ARNT: variants seen among roughly 807,000 people sequenced by gnomAD.
The protein encoded by ARNT is aryl hydrocarbon receptor nuclear translocator.
Under a neutral mutation model 105.0 loss-of-function variants are expected in ARNT, and 30 were observed. The ratio of observed to expected loss-of-function variants is 0.29; its 90% CI spans 0.21 to 0.39. The LOEUF (loss-of-function observed/expected upper bound fraction) is 0.39. Among genes scored for constraint, ARNT ranks in the 10% least tolerant of loss-of-function variants. ARNT has a pLI of 1.00. For synonymous variants in ARNT, 304 were observed against 344.0 expected (o/e 0.88, Z 1.29); for missense variants, 748 against 978.7 (o/e 0.76, Z 3.15).
At chr1:150,835,531 G>A (rs1454987260) in intron 7 of ARNT, among the ~76,000 whole-genome samples, 1 of 152,140 alleles carries the variant, frequency 6.6e-6, no homozygotes, top group Non-Finnish European at 1.5e-5. Context: ...GCCCAGAAGA[G>A]TTCAAGATTA....
At chr1:150,852,725 A>C in intron 3 of ARNT, 37 bp downstream of exon 3, 1 of 1,569,130 alleles carries the variant, frequency 6.4e-7, no homozygotes, top group Non-Finnish European at 8.7e-7. Context: ...CTAATTTTTA[A>C]TATCAGACAT....
At position 150,817,911 on chromosome 1, in the gene ARNT, C is replaced by G; in HGVS notation, c.1505+9G>C. ...CTGCTCAACAGATGATTATTTCACC[C>G]TTTTTTACCTGGGTGCCAGCTGTCC... On this transcript the variant is annotated intron_variant, in intron 15 of 21. Transcript: ENST00000358595. 6.2e-7 allele frequency: 1 copy of G among 1,600,266 alleles called. No individual in the cohort carries two copies. Among genetic ancestry groups the G allele is most frequent in the Non-Finnish European group, 8.5e-7 (1 of 1,170,092 alleles).
chr1:150,863,355 C>CA (rs769411546), intron 1 of ARNT, among the ~76,000 whole-genome samples: 11,952 of 108,404 alleles, frequency 0.11, 590 homozygotes, highest in Middle Eastern at 0.18. Context: ...GACTCTGTCT[C>CA]AAAAAAAAAA....
Position 150,829,220 on chromosome 1 carries a change from C to T in ARNT, c.1040G>A (p.Ser347Asn). Residue 347 changes from serine to asparagine, a missense_variant, in exon 12 of 22, where the codon AGT becomes AAT. Transcript: ENST00000358595. ...ACTCATGTCTGTACAGTTGGGAGAA[C>T]TAGTTACCTGAGAGTGAAGAGATAA... ...LVAIGRLQVT[S>N]SPNCTDMSNV... 6.2e-7 allele frequency: 1 copy of T among 1,613,454 alleles called. No homozygotes were observed. The highest frequency in any genetic ancestry group is 1.1e-5 in the South Asian group (1 of 90,964).
At chr1:150,820,519 T>A (rs1557860411) in intron 14 of ARNT, among the ~76,000 whole-genome samples, 1 of 152,042 alleles carries the variant, frequency 6.6e-6, no homozygotes, top group Non-Finnish European at 1.5e-5. Context: ...TAGCCAGGCG[T>A]CTTGGTAGAT....
At position 150,817,377 on chromosome 1, in the gene ARNT, C is replaced by T. The variant is rs1329952838; in HGVS notation, c.1562G>A (p.Ser521Asn). Residue 521 changes from serine to asparagine, a missense_variant, in exon 16 of 22, where the codon AGC (serine) becomes AAC (asparagine). By Grantham distance (46) the Ser-to-Asn change is conservative. This residue lies in a region of ARNT where 360 missense variants were observed against 411.9 expected (regional missense o/e 0.87). Coordinates refer to ENST00000358595, the MANE Select transcript of ARNT (RefSeq NM_001668.4). The part of the protein sequence containing the change: ...DMVPGRDGLA[S>N]YNHSQVVQPV... ...ACAACTCACCTGGGAATGATTGTAG[C>T]TGGCCAGTCCATCTCTTCCTGGTAC... is the stretch of plus-strand genomic sequence containing the variant. 2 of 1,614,188 alleles carry T rather than the reference C, an allele frequency of 1.2e-6. No individual in the cohort carries two copies. Among genetic ancestry groups the T allele is most frequent in the Admixed American group, 3.3e-5 (2 of 60,028 alleles).
chr1:150,823,405 T>G lies in ARNT; in HGVS notation c.1243-60A>C, dbSNP rs1022301557. ...AGAAAATTTTCATTACAAAAATAAA[T>G]AAAAATTTTCCAATTTCTATAACCC... On this transcript the variant is annotated intron_variant, in intron 13 of 21. Coordinates refer to ENST00000358595, the MANE Select transcript of ARNT (RefSeq NM_001668.4). The G allele has an allele frequency of 9.3e-6, 14 of 1,506,242 alleles. No individual in the cohort carries two copies. The South Asian group carries it at 1.7e-4, about 19-fold the overall frequency. The allele number at this position is 1,506,242 out of a possible 1,614,324, so 93.3% of individuals were successfully genotyped here. A position where few individuals can be genotyped will look rare whatever the true frequency, so the allele number is the denominator to read the frequency against.
intron 2 of ARNT, 125 bp downstream of exon 2, chr1:150,858,224 T>C (rs1376331363): frequency 8.9e-6 from 6 of 676,510 alleles, no homozygotes; most frequent in Non-Finnish European, 1.6e-5. Flanking sequence ...GACAGTAGTG[T>C]AGTAAGTAAT....
intron 1 of ARNT, among the ~76,000 whole-genome samples, chr1:150,863,205 T>C (rs1400483999): frequency 6.6e-6 from 1 of 151,216 alleles, no homozygotes; most frequent in African/African-American, 2.4e-5. Flanking sequence ...CTACTAAAAA[T>C]ACAAAAATTA....
At chr1:150,871,463 G>A (rs587678546) in intron 1 of ARNT, among the ~76,000 whole-genome samples, 2 of 150,898 alleles carry the variant, frequency 1.3e-5, no homozygotes, top group African/African-American at 4.8e-5. Flanking sequence ...ACCATGCCTG[G>A]CTAATTTTTG....
At chr1:150,854,688 C>A (rs1170040748) in intron 2 of ARNT, among the ~76,000 whole-genome samples, 2 of 151,840 alleles carry the variant, frequency 1.3e-5, no homozygotes, top group Non-Finnish European at 2.9e-5. Context: ...GAAACCTCGT[C>A]TCTACTAAAA....
At chr1:150,873,662 T>C (rs1667815632) in intron 1 of ARNT, among the ~76,000 whole-genome samples, 1 of 152,104 alleles carries the variant, frequency 6.6e-6, no homozygotes, top group South Asian at 2.1e-4. Flanking sequence ...CTCACACCTA[T>C]AATCCCAGCA....
chr1:150,826,553 C>G lies in ARNT; in HGVS notation c.1232G>C (p.Ser411Thr), dbSNP rs1658305353. 3 of 1,612,666 alleles carry G rather than the reference C, an allele frequency of 1.9e-6. No homozygotes were observed. The African/African-American group carries it at 4.0e-5, about 21-fold the overall frequency. The change falls in exon 13 of 22, where the codon AGC becomes ACC. Residue 411 changes from serine (S) to threonine (T), a missense_variant. Around this residue, in one of 4 missense-constraint regions of ARNT, gnomAD observed 291 missense variants for 444.6 expected, o/e 0.65. Transcript: ENST00000358595. Reference sequence around the variant, plus strand: ...CAGGAAAAAAGTTACCTGTTGGAAGCTGTCTCTTAGAAGCTGCTGGTCTTC... The same window carrying G: ...CAGGAAAAAAGTTACCTGTTGGAAGGTGTCTCTTAGAAGCTGCTGGTCTTC... The part of the protein sequence containing the change: ...HPEDQQLLRD[S>T]FQQVVKLKGQ...
At position 150,874,802 on chromosome 1, in the gene ARNT, A is replaced by AGTAAACTTTGCTGCTTT. The variant is rs1553231698; in HGVS notation, c.25+1740_25+1741insAAAGCAGCAAAGTTTAC. ...TTGCAGAAGCAAGCAGCCAAAGCAT[A>AGTAAACTTTGCTGCTTT]GTAAACAAAGCTGTTTCATTAACAA... is the stretch of plus-strand genomic sequence containing the variant. On this transcript the variant is annotated intron_variant, in intron 1 of 21. Coordinates refer to ENST00000358595, the MANE Select transcript of ARNT (RefSeq NM_001668.4). Among the ~76,000 whole-genome samples, 3 of 152,346 alleles carry AGTAAACTTTGCTGCTTT rather than the reference A, an allele frequency of 2.0e-5. No individual in the cohort carries two copies. In the Middle Eastern group the frequency reaches 0.01, roughly 518 times the overall value.
chr1:150,832,540 G>C (rs1659532487), intron 8 of ARNT, 141 bp from the exon 9 acceptor site: 1 of 756,498 alleles, frequency 1.3e-6, no homozygotes, highest in East Asian at 2.6e-5. Flanking sequence ...GATAAAGATA[G>C]GTCAAGTTTA....
rs587745150 is a variant in ARNT at position 150,828,852 on chromosome 1, A to T, written c.1167+241T>A. 2.3e-3 allele frequency among the ~76,000 whole-genome samples: 354 copies of T among 152,354 alleles called. 1 individual carries two copies. The highest frequency in any genetic ancestry group is 0.01 in the Middle Eastern group (3 of 294). On this transcript the variant is annotated intron_variant, in intron 12 of 21. Coordinates refer to ENST00000358595, the MANE Select transcript of ARNT (RefSeq NM_001668.4). The stretch of plus-strand genomic sequence containing the variant: ...TTGAATCATCTGTATTAATATCAAC[A>T]ACAAAAAATAAATACATATTTGTAC...
In ARNT at chr1:150,836,482, A is replaced by G. The variant is rs1241682742; in HGVS notation, c.498T>C (p.His166=). The change falls in exon 7 of 22, where the codon CAT becomes CAC. Residue 166 remains histidine, a synonymous_variant. Coordinates refer to ENST00000358595, the MANE Select transcript of ARNT (RefSeq NM_001668.4). ...AGCCATCTGCTGCCTCCAAGATCAAATGTTTCAGTTCCTGCGCAAGAAAAA... is the reference window on the plus strand; with the variant it reads ...AGCCATCTGCTGCCTCCAAGATCAAGTGTTTCAGTTCCTGCGCAAGAAAAA... The part of the protein sequence containing the change: ...PSFLTDQELK[H]LILEAADGFL... The G allele has an allele frequency of 4.3e-6, 7 of 1,613,942 alleles. No homozygotes were observed. Among genetic ancestry groups the G allele is most frequent in the Middle Eastern group, 1.6e-4 (1 of 6,062 alleles).
At chr1:150,815,626 G>A (rs1462521205) in intron 19 of ARNT, among the ~76,000 whole-genome samples, 3 of 151,870 alleles carry the variant, frequency 2.0e-5, no homozygotes, top group East Asian at 1.9e-4. Flanking sequence ...TTGGGAGGCT[G>A]AGGTGGGCGG....
In ARNT at chr1:150,861,443, G is replaced by T. The variant is rs187016351; in HGVS notation, c.26-2983C>A. Reference sequence around the variant, plus strand: ...CTCAAAGAAACATTTGTATACCCACGTTCACAGAAGTACTATTCAACAGTA... The same window carrying T: ...CTCAAAGAAACATTTGTATACCCACTTTCACAGAAGTACTATTCAACAGTA... On this transcript the variant is annotated intron_variant, in intron 1 of 21. Transcript: ENST00000358595. The T allele has an allele frequency of 2.6e-5, 7 of 266,694 alleles. No homozygotes were observed. The Admixed American group carries it at 3.1e-4, about 12-fold the overall frequency. The allele number at this position is 266,694 out of a possible 1,614,324, so 16.5% of individuals were successfully genotyped here.
Sources: allele counts gnomAD v4.1 joint callset (sites outside exome capture counted in the v4.1 genomes callset), GRCh38; gene constraint gnomAD v4.1.1; regional missense constraint gnomAD v4.1.1; transcripts MANE v1.5; gene names NCBI Gene and HGNC (gene_info 2026-07-23, HGNC 2026-07-21).